The following ADAP2 variants were observed in gnomAD, a reference collection of about 807,000 sequenced individuals.
The protein encoded by ADAP2 is arf-GAP with dual PH domain-containing protein 2.
In ADAP2, 42 loss-of-function variants were observed where a neutral mutation model predicts 54.9. The observed-to-expected ratio is 0.77, with a 90% CI of 0.60 to 0.99. ADAP2 has a LOEUF of 0.99. Ranked by LOEUF, ADAP2 falls within the 50% of genes least tolerant of loss-of-function variation. The pLI is 0.00. For missense variants in ADAP2, 429 were observed against 480.4 expected, an observed-to-expected ratio of 0.89 and a Z score of 1.00; for synonymous variants, 177 against 180.1, an observed-to-expected ratio of 0.98 and a Z score of 0.14.
In ADAP2 at chr17:30,925,493, CTGTTA is replaced by C. The variant is rs1165240590; in HGVS notation, c.226-1332_226-1328del. Among the ~76,000 whole-genome samples the C allele has an allele frequency of 2.6e-5, 4 of 151,922 alleles. No individual in the cohort carries two copies. The East Asian group carries it at 7.8e-4, about 29-fold the overall frequency. ...GGTGTGAGCTACAGCGCCCAATCCTCTGTTATATTTCCTTCTTCTTCTTCCTCCTC... is the reference window on the plus strand; with the variant it reads ...GGTGTGAGCTACAGCGCCCAATCCTCTATTTCCTTCTTCTTCTTCCTCCTC... On this transcript the variant is annotated intron_variant, in intron 2 of 10. Transcript: ENST00000330889.
chr17:30,923,071 G>A lies in ADAP2; in HGVS notation c.225+1G>A, dbSNP rs146923575. The stretch of plus-strand genomic sequence containing the variant: ...CTTCTGGGACGACAGTATTGTGGAG[G>A]TAGAAAGGCATGCCCGTGGAGAGCC... On this transcript the variant is annotated splice_donor_variant, in intron 2 of 10. Coordinates refer to ENST00000330889, the MANE Select transcript of ADAP2 (RefSeq NM_018404.3). LOFTEE classifies it high-confidence loss of function. 2.7e-4 allele frequency: 433 copies of A among 1,613,442 alleles called. 1 individual carries two copies. Among genetic ancestry groups the A allele is most frequent in the Non-Finnish European group, 3.4e-4 (400 of 1,179,932 alleles).
In ADAP2 at chr17:30,927,626, A is replaced by AT. The variant is rs576182748; in HGVS notation, c.317+708_317+709insT. On this transcript the variant is annotated intron_variant, in intron 3 of 10. Coordinates refer to ENST00000330889, the MANE Select transcript of ADAP2 (RefSeq NM_018404.3). ...CGAGACTCCGGCTCAAAAAAAAAAA[A>AT]AAATAAAAGATAGAAATATGTCTAG... Among the ~76,000 whole-genome samples, 1,483 of 151,844 alleles carry AT rather than the reference A, an allele frequency of 9.8e-3. 23 individuals carry two copies. The highest frequency in any genetic ancestry group is 0.033 in the African/African-American group (1,366 of 41,334).
At chr17:30,949,997 A>G (rs980346879) in intron 7 of ADAP2, among the ~76,000 whole-genome samples, 5 of 152,136 alleles carry the variant, frequency 3.3e-5, no homozygotes, top group African/African-American at 1.2e-4. Context: ...TAAAATGTAC[A>G]AATGATCCCT....
intron 5 of ADAP2, among the ~76,000 whole-genome samples, chr17:30,939,538 G>A (rs996898933): frequency 4.6e-5 from 7 of 151,664 alleles, no homozygotes; most frequent in Non-Finnish European, 8.8e-5. Flanking sequence ...TTGGGAGGCC[G>A]AGGCAGGCAG....
intron 5 of ADAP2, 132 bp downstream of exon 5, chr17:30,934,429 T>C: frequency 1.6e-6 from 1 of 625,190 alleles, no homozygotes; most frequent in Non-Finnish European, 2.7e-6. Flanking sequence ...AACATTTGGC[T>C]ACTTTTCCTT....
In ADAP2 at chr17:30,922,006, G is replaced by C; in HGVS notation, c.-9G>C. On this transcript the variant is annotated 5_prime_UTR_variant, in exon 1 of 11. Coordinates refer to ENST00000330889, the MANE Select transcript of ADAP2 (RefSeq NM_018404.3). ...TGGGCTGAGCCCCGCTGAGCCCGCCGGGCCGGCCATGGGCGATCGCGAGCG... is the reference window on the plus strand; with the variant it reads ...TGGGCTGAGCCCCGCTGAGCCCGCCCGGCCGGCCATGGGCGATCGCGAGCG... 1 of 1,268,524 alleles carries C rather than the reference G, an allele frequency of 7.9e-7. No homozygotes were observed. The highest frequency in any genetic ancestry group is 9.9e-7 in the Non-Finnish European group (1 of 1,010,810). The allele number at this position is 1,268,524 out of a possible 1,614,324, so 78.6% of individuals were successfully genotyped here.
intron 9 of ADAP2, among the ~76,000 whole-genome samples, chr17:30,955,382 A>G (rs969864685): frequency 6.6e-5 from 10 of 151,930 alleles, no homozygotes; most frequent in African/African-American, 2.4e-4. Context: ...GTTCGAGACC[A>G]GCCTGTGCAA....
intron 3 of ADAP2, among the ~76,000 whole-genome samples, 189 bp from the exon 4 acceptor site, chr17:30,931,700 G>A (rs1911495813): frequency 6.6e-6 from 1 of 151,830 alleles, no homozygotes. Context: ...GCCTGCCTGT[G>A]ATCCCAGCTA....
At chr17:30,957,727 G>A (rs1255692028) in intron 10 of ADAP2, 108 bp from the exon 11 acceptor site, 5 of 1,103,990 alleles carry the variant, frequency 4.5e-6, no homozygotes, top group African/African-American at 3.1e-5. Flanking sequence ...CACTGTGCCC[G>A]GCCATGGCTC....
chr17:30,953,033 C>A (rs1157137986), intron 7 of ADAP2, among the ~76,000 whole-genome samples: 1 of 152,146 alleles, frequency 6.6e-6, no homozygotes, highest in East Asian at 1.9e-4. Flanking sequence ...TATGTCCACA[C>A]CCTGGGGTTA....
At chr17:30,956,108 G>C (rs899569419) in intron 9 of ADAP2, 133 bp from the exon 10 acceptor site, 2 of 680,578 alleles carry the variant, frequency 2.9e-6, no homozygotes, top group Non-Finnish European at 2.5e-6. Context: ...TTCAAATTCT[G>C]GGTCCCACTT....
intron 1 of ADAP2, 67 bp downstream of exon 1, chr17:30,922,175 C>A: frequency 8.8e-7 from 1 of 1,135,002 alleles, no homozygotes; most frequent in South Asian, 4.3e-5. Flanking sequence ...CGACTCCTCC[C>A]CTCGGCCCCA....
chr17:30,926,898 C>T lies in ADAP2; in HGVS notation c.297C>T (p.Ile99=), dbSNP rs1911095408. 5 of 1,613,832 alleles carry T rather than the reference C, an allele frequency of 3.1e-6. No individual in the cohort carries two copies. The highest frequency in any genetic ancestry group is 4.2e-6 in the Non-Finnish European group (5 of 1,179,824). The change falls in exon 3 of 11, where the codon ATC becomes ATT. Residue 99 remains isoleucine, a synonymous_variant. Transcript: ENST00000330889. ...CCAGAGTCCCAGCTTTCTACTACAT[C>T]CCCCAGGCCAACGACTGCCTGTGAG... ...FEARVPAFYY[I]PQANDCLVLK...
intron 6 of ADAP2, among the ~76,000 whole-genome samples, chr17:30,947,674 A>T (rs1369378615): frequency 1.3e-5 from 2 of 152,202 alleles, no homozygotes; most frequent in Middle Eastern, 3.2e-3. Flanking sequence ...AATGAACCCC[A>T]GGACAAGAGA....
chr17:30,948,228 C>A (rs1384238547), intron 6 of ADAP2, among the ~76,000 whole-genome samples: 2 of 151,712 alleles, frequency 1.3e-5, no homozygotes, highest in Non-Finnish European at 2.9e-5. Context: ...ACTTTTTTTT[C>A]TGAGGGTAGT....
In ADAP2 at chr17:30,924,266, C is replaced by T. The variant is rs750043626; in HGVS notation, c.225+1196C>T. Among the ~76,000 whole-genome samples, 9 of 151,754 alleles carry T rather than the reference C, an allele frequency of 5.9e-5. No homozygotes were observed. In the East Asian group the frequency reaches 7.8e-4, roughly 13 times the overall value. ...CATGCGCCTGTCGTCCCAGATACTT[C>T]GGGGGCTGGGGTGGGAAGATCACCT... On this transcript the variant is annotated intron_variant, in intron 2 of 10. Coordinates refer to ENST00000330889, the MANE Select transcript of ADAP2 (RefSeq NM_018404.3).
chr17:30,925,534 T>TCTTCTTC (rs934263675), intron 2 of ADAP2, among the ~76,000 whole-genome samples: 2 of 149,936 alleles, frequency 1.3e-5, no homozygotes, highest in Non-Finnish European at 1.5e-5. Context: ...CTCCTCTTCT[T>TCTTCTTC]CTTCTTCCTT....
At chr17:30,944,651 G>T (rs2142560142) in intron 5 of ADAP2, among the ~76,000 whole-genome samples, 1 of 152,166 alleles carries the variant, frequency 6.6e-6, no homozygotes, top group South Asian at 2.1e-4. Context: ...GTAGAGACGG[G>T]GTTTTACCAA....
chr17:30,922,947 C>T lies in ADAP2; in HGVS notation c.102C>T (p.Asp34=). 5.0e-6 allele frequency: 8 copies of T among 1,613,848 alleles called. No homozygotes were observed. Among genetic ancestry groups the T allele is most frequent in the Non-Finnish European group, 5.9e-6 (7 of 1,179,940 alleles). Residue 34 remains aspartate (D), a synonymous_variant, in exon 2 of 11, where the codon GAC becomes GAT. Transcript: ENST00000330889. The stretch of plus-strand genomic sequence containing the variant: ...CTGCCTCATCCCCTGCAGATCCCGA[C>T]TGGGCCTCTTACAAGCTGGGGATCT... ...HCADCGAADP[D]WASYKLGIFI...
Sources: gnomAD v4.1 joint callset for allele counts (sites outside exome capture counted in the v4.1 genomes callset) on GRCh38, gnomAD v4.1.1 for gene constraint, MANE v1.5 for transcripts, NCBI Gene and HGNC (gene_info 2026-07-23, HGNC 2026-07-21) for gene names.